SLC2A9: variants seen among roughly 807,000 people sequenced by gnomAD.
SLC2A9 encodes the protein solute carrier family 2, facilitated glucose transporter member 9.
A neutral mutation model predicts 50.6 loss-of-function variants in SLC2A9; 39 were observed. That is an observed-to-expected ratio of 0.77 (90% CI 0.60 to 1.01). SLC2A9 has a LOEUF of 1.01. Among genes scored for constraint, SLC2A9 ranks in the 50% least tolerant of loss-of-function variants. SLC2A9 has a pLI of 0.00. For missense variants in SLC2A9, 686 were observed against 677.6 expected, an observed-to-expected ratio of 1.01 and a Z score of -0.14; for synonymous variants, 324 against 276.9, an observed-to-expected ratio of 1.17 and a Z score of -1.69.
At chr4:9,810,413 C>T (rs1365344280) in intron 3 of SLC2A9, among the ~76,000 whole-genome samples, 1 of 152,182 alleles carries the variant, frequency 6.6e-6, no homozygotes, top group Non-Finnish European at 1.5e-5. Flanking sequence ...GCATCTCCAG[C>T]CAGGCCTCAG....
chr4:9,807,450 G>C (rs1722274389), intron 3 of SLC2A9, among the ~76,000 whole-genome samples: 1 of 152,156 alleles, frequency 6.6e-6, no homozygotes, highest in Non-Finnish European at 1.5e-5. Flanking sequence ...TCTTGTTTGA[G>C]CTTCCATGGT....
At chr4:10,025,980 G>A (rs368295150), upstream of SLC2A9, 5 of 1,613,712 alleles carry the variant, frequency 3.1e-6, no homozygotes, top group African/African-American at 4.0e-5. Context: ...TCACTTTTCA[G>A]GTTTTGAACT....
intron 10 of SLC2A9, among the ~76,000 whole-genome samples, chr4:9,848,425 T>C (rs1355430320): frequency 1.3e-5 from 2 of 151,990 alleles, no homozygotes; most frequent in Non-Finnish European, 2.9e-5. Flanking sequence ...ATGTATTAAT[T>C]AGGCAAAAGG....
At chr4:10,030,064 A>G (rs900634222) in intron 1 of SLC2A9, among the ~76,000 whole-genome samples, 1 of 152,240 alleles carries the variant, frequency 6.6e-6, no homozygotes, top group Non-Finnish European at 1.5e-5. Context: ...AGACATGCAT[A>G]TATATGAATA....
Position 10,032,923 on chromosome 4 carries a change from C to G in SLC2A9, c.-40-6917G>C, listed in dbSNP as rs1359665636. 2.0e-5 allele frequency among the ~76,000 whole-genome samples: 3 copies of G among 152,110 alleles called. No homozygotes were observed. The East Asian group carries it at 5.8e-4, about 29-fold the overall frequency. On this transcript the variant is annotated intron_variant, in intron 1 of 12. Coordinates refer to the SLC2A9 transcript ENST00000309065. ...CAAGCTGAGTCACCAATTCTTTGTT[C>G]ATAAAGAAAAATTTGAGTCTCTCTT...
At chr4:9,916,624 T>C (rs1050477280) in intron 7 of SLC2A9, among the ~76,000 whole-genome samples, 3 of 152,180 alleles carry the variant, frequency 2.0e-5, no homozygotes, top group African/African-American at 7.2e-5. Context: ...CTGAGTATTA[T>C]CATCCCCATT....
chr4:9,858,312 C>T (rs1383506685), intron 10 of SLC2A9, among the ~76,000 whole-genome samples: 2 of 152,188 alleles, frequency 1.3e-5, no homozygotes, highest in Admixed American at 6.5e-5. Flanking sequence ...TTAATTGATG[C>T]TGTGAACGCA....
intron 1 of SLC2A9, among the ~76,000 whole-genome samples, chr4:10,032,092 C>G (rs1348848116): frequency 1.3e-5 from 2 of 152,220 alleles, no homozygotes; most frequent in Admixed American, 6.5e-5. Flanking sequence ...CCAGAGCCAA[C>G]AAGGTGGGAA....
At position 9,867,010 on chromosome 4, in the gene SLC2A9, T is replaced by C. The variant is rs1577604218; in HGVS notation, c.1291+20557A>G. ...AATGCTGGTCACACTGCTCCCAATA[T>C]GGGGAGACGAACAGTAGTCCTTCAA... On this transcript the variant is annotated intron_variant, in intron 10 of 11. Coordinates refer to ENST00000264784, the MANE Select transcript of SLC2A9 (RefSeq NM_020041.3). Among the ~76,000 whole-genome samples, 3 of 152,352 alleles carry C rather than the reference T, an allele frequency of 2.0e-5. No homozygotes were observed. In the South Asian group the frequency reaches 6.2e-4, roughly 32 times the overall value.
At chr4:9,887,326 T>C (rs1454514560) in intron 10 of SLC2A9, among the ~76,000 whole-genome samples, 2 of 152,368 alleles carry the variant, frequency 1.3e-5, no homozygotes, top group Admixed American at 1.3e-4. Context: ...CTGCTCTTGC[T>C]GTGTGGTGGG....
At chr4:9,920,706 T>A (rs1743782381) in intron 6 of SLC2A9, 134 bp from the exon 7 acceptor site, 1 of 990,552 alleles carries the variant, frequency 1.0e-6, no homozygotes. Flanking sequence ...CAGGGGCCTT[T>A]GAAACTATGG....
chr4:9,835,516 C>T (rs556008651), intron 10 of SLC2A9, among the ~76,000 whole-genome samples: 1 of 152,346 alleles, frequency 6.6e-6, no homozygotes, highest in South Asian at 2.1e-4. Context: ...GGAAATCCCT[C>T]AGGGACTTTT....
chr4:9,969,824 T>G (rs1753608550), intron 5 of SLC2A9, among the ~76,000 whole-genome samples: 1 of 152,162 alleles, frequency 6.6e-6, no homozygotes. Context: ...ATGATTCAAT[T>G]ATTTGCCACT....
In SLC2A9 at chr4:9,894,428, C is replaced by T. The variant is rs150023468; in HGVS notation, c.1114-3717G>A. The stretch of plus-strand genomic sequence containing the variant: ...TGCAGAAATAGTTTATAATGGCTAA[C>T]TCTGGTTGGGGGAATATGTGATTAT... On this transcript the variant is annotated intron_variant, in intron 8 of 11. Coordinates refer to ENST00000264784, the MANE Select transcript of SLC2A9 (RefSeq NM_020041.3). Among the ~76,000 whole-genome samples, 412 of 152,264 alleles carry T rather than the reference C, an allele frequency of 2.7e-3. 1 individual carries two copies. Among genetic ancestry groups the T allele is most frequent in the African/African-American group, 9.7e-3 (403 of 41,544 alleles).
chr4:9,958,448 A>C (rs552370633), intron 5 of SLC2A9, among the ~76,000 whole-genome samples: 62 of 152,294 alleles, frequency 4.1e-4, no homozygotes, highest in African/African-American at 1.3e-3. Context: ...AACAATGAGA[A>C]CACATGGACA....
chr4:9,794,312 G>A (rs1577301859), downstream of SLC2A9, among the ~76,000 whole-genome samples: 2 of 152,032 alleles, frequency 1.3e-5, no homozygotes, highest in Admixed American at 1.3e-4. Flanking sequence ...CCACCACCAC[G>A]CCCGGCTAAT....
At chr4:9,939,620 G>A (rs1179157261) in intron 6 of SLC2A9, among the ~76,000 whole-genome samples, 1 of 151,960 alleles carries the variant, frequency 6.6e-6, no homozygotes, top group Non-Finnish European at 1.5e-5. Context: ...CTTAAAATGG[G>A]AATAAAAATA....
At chr4:9,836,088 CAAA>C (rs35303241) in intron 10 of SLC2A9, among the ~76,000 whole-genome samples, 2 of 48,220 alleles carry the variant, frequency 4.1e-5, no homozygotes, top group African/African-American at 1.8e-4. Context: ...AACTCCCTCT[CAAA>C]AAAAAAAAAA....
At chr4:9,773,348 T>C (rs866911108) in intron 1 of SLC2A9, among the ~76,000 whole-genome samples, 6 of 152,192 alleles carry the variant, frequency 3.9e-5, no homozygotes, top group African/African-American at 1.2e-4. Context: ...ATCCTGTAGC[T>C]ACAGAACAGA....
Sources: allele counts gnomAD v4.1 joint callset (sites outside exome capture counted in the v4.1 genomes callset), GRCh38; gene constraint gnomAD v4.1.1; transcripts MANE v1.5; gene names NCBI Gene and HGNC (gene_info 2026-07-23, HGNC 2026-07-21).